The following ELOVL6 variants were observed in gnomAD, a reference collection of about 807,000 sequenced individuals.
The protein encoded by ELOVL6 is very long chain fatty acid elongase 6.
Under a neutral mutation model 31.7 loss-of-function variants are expected in ELOVL6, and 8 were observed. The observed-to-expected ratio is 0.25, with a 90% CI of 0.15 to 0.45. ELOVL6 has a LOEUF of 0.45. Ranked by LOEUF, ELOVL6 falls within the 20% of genes least tolerant of loss-of-function variation. The pLI, the probability that ELOVL6 is intolerant of heterozygous loss-of-function variation, is 1.00. For missense variants in ELOVL6, 126 were observed against 326.4 expected (o/e 0.39, Z 4.73); for synonymous variants, 101 against 117.7 (o/e 0.86, Z 0.92).
chr4:110,081,541 T>C (rs1371621758), intron 2 of ELOVL6, among the ~76,000 whole-genome samples: 1 of 152,010 alleles, frequency 6.6e-6, no homozygotes, highest in Non-Finnish European at 1.5e-5. Flanking sequence ...GCTAGTCATA[T>C]GTATAAAGCT....
intron 1 of ELOVL6, among the ~76,000 whole-genome samples, chr4:110,191,508 A>AT (rs1759621701): frequency 1.3e-5 from 2 of 152,350 alleles, no homozygotes; most frequent in African/African-American, 4.8e-5. Flanking sequence ...TCCTATTAAT[A>AT]AAGGACAGTT....
chr4:110,195,744 G>C (rs1383068600), intron 1 of ELOVL6, among the ~76,000 whole-genome samples: 1 of 152,162 alleles, frequency 6.6e-6, no homozygotes, highest in African/African-American at 2.4e-5. Flanking sequence ...TTAACGAGTA[G>C]TGCTGGCAAT....
At chr4:110,103,250 G>A (rs1250815892) in intron 2 of ELOVL6, among the ~76,000 whole-genome samples, 1 of 151,926 alleles carries the variant, frequency 6.6e-6, no homozygotes, top group Non-Finnish European at 1.5e-5. Flanking sequence ...GCTGATTCCA[G>A]TTCTGGACAA....
At chr4:110,186,816 A>AT (rs1284641849) in intron 1 of ELOVL6, among the ~76,000 whole-genome samples, 7 of 107,650 alleles carry the variant, frequency 6.5e-5, no homozygotes, top group Non-Finnish European at 9.8e-5. Flanking sequence ...AAAAAAAAAA[A>AT]AAAAAAATAT....
At chr4:110,173,637 G>A (rs1005517745) in intron 1 of ELOVL6, among the ~76,000 whole-genome samples, 6 of 143,358 alleles carry the variant, frequency 4.2e-5, no homozygotes, top group Non-Finnish European at 6.1e-5. Flanking sequence ...AAGTAAAGGT[G>A]GCCTTTTGCA....
intron 1 of ELOVL6, among the ~76,000 whole-genome samples, chr4:110,195,549 C>T (rs1030966650): frequency 6.6e-6 from 1 of 151,812 alleles, no homozygotes; most frequent in African/African-American, 2.4e-5. Context: ...TAAAAAAAAA[C>T]ATGAAAGTAA....
At chr4:110,167,980 T>C (rs950966315) in intron 1 of ELOVL6, among the ~76,000 whole-genome samples, 1 of 152,200 alleles carries the variant, frequency 6.6e-6, no homozygotes, top group Non-Finnish European at 1.5e-5. Flanking sequence ...ATTTTTGATA[T>C]ATAATTTTAG....
intron 1 of ELOVL6, among the ~76,000 whole-genome samples, chr4:110,177,868 A>G (rs1309626534): frequency 6.6e-6 from 1 of 152,210 alleles, no homozygotes; most frequent in Non-Finnish European, 1.5e-5. Flanking sequence ...TGTTCTTCAC[A>G]CCAAACTGAT....
In ELOVL6 at chr4:110,117,903, A is replaced by AAAAAAAAAAAAAAAAATTAT; in HGVS notation, c.90-12276_90-12275insATAATTTTTTTTTTTTTTTT. The AAAAAAAAAAAAAAAAATTAT allele has an allele frequency of 4.6e-4, 3 of 6,506 alleles. 1 individual carries two copies. The highest frequency in any genetic ancestry group is 9.8e-4 in the African/African-American group (3 of 3,066). The allele number at this position is 6,506 out of a possible 1,614,324, so 0.4% of individuals were successfully genotyped here. A position where few individuals can be genotyped will look rare whatever the true frequency, so the allele number is the denominator to read the frequency against. On this transcript the variant is annotated intron_variant, in intron 1 of 3. Coordinates refer to ENST00000302274, the MANE Select transcript of ELOVL6 (RefSeq NM_024090.3). ...TCTCAAAAAAAAAAAAAAAAAAAAAAATATATATATATATATATATATCTC... is the reference window on the plus strand; with the variant it reads ...TCTCAAAAAAAAAAAAAAAAAAAAAAAAAAAAAAAAAAAAAATTATATATATATATATATATATATATCTC...
intron 2 of ELOVL6, among the ~76,000 whole-genome samples, chr4:110,085,222 T>C (rs1756216873): frequency 6.6e-6 from 1 of 152,186 alleles, no homozygotes; most frequent in Non-Finnish European, 1.5e-5. Flanking sequence ...ATTCTTCTCC[T>C]AGGAAGTCAC....
chr4:110,193,136 C>T (rs1759671611), intron 1 of ELOVL6, among the ~76,000 whole-genome samples: 1 of 152,190 alleles, frequency 6.6e-6, no homozygotes, highest in Admixed American at 6.5e-5. Flanking sequence ...AATACTATGT[C>T]TGCATTTGAA....
At chr4:110,154,279 A>G (rs1428860677) in intron 1 of ELOVL6, among the ~76,000 whole-genome samples, 1 of 152,070 alleles carries the variant, frequency 6.6e-6, no homozygotes, top group Non-Finnish European at 1.5e-5. Flanking sequence ...TTTTTGATAC[A>G]GAGTCTCACT....
chr4:110,163,248 C>T (rs1476594384), intron 1 of ELOVL6, among the ~76,000 whole-genome samples: 2 of 152,166 alleles, frequency 1.3e-5, no homozygotes, highest in African/African-American at 2.4e-5. Flanking sequence ...CTAACATGGT[C>T]TTCTCATTTG....
chr4:110,061,549 C>CTTTTTTTTTTTTTTTTTTTTTTTTTTT (rs57846282), intron 2 of ELOVL6, among the ~76,000 whole-genome samples: 6 of 72,376 alleles, frequency 8.3e-5, no homozygotes, highest in African/African-American at 1.5e-4. Flanking sequence ...CAAATGATGG[C>CTTTTTTTTTTTTTTTTTTTTTTTTTTT]TTTTTTTTTT....
intron 1 of ELOVL6, among the ~76,000 whole-genome samples, chr4:110,191,401 A>T (rs1039646875): frequency 9.2e-5 from 14 of 152,166 alleles, no homozygotes; most frequent in Non-Finnish European, 5.9e-5. Flanking sequence ...AAACCCTCCT[A>T]AAAAAGATAA....
chr4:110,084,566 A>ATATTTT (rs1756173554), intron 2 of ELOVL6, among the ~76,000 whole-genome samples: 1 of 37,140 alleles, frequency 2.7e-5, no homozygotes, highest in African/African-American at 2.3e-4. Flanking sequence ...ACACACAGAT[A>ATATTTT]TATATATATA....
intron 1 of ELOVL6, among the ~76,000 whole-genome samples, chr4:110,122,094 T>C (rs897319948): frequency 2.0e-5 from 3 of 152,226 alleles, no homozygotes; most frequent in Non-Finnish European, 4.4e-5. Flanking sequence ...GACTGACTTA[T>C]TCTGTATTTC....
At chr4:110,158,211 C>G (rs1012391132) in intron 1 of ELOVL6, among the ~76,000 whole-genome samples, 3 of 152,128 alleles carry the variant, frequency 2.0e-5, no homozygotes, top group African/African-American at 7.2e-5. Context: ...ATGAAAAGTT[C>G]ATCTTTCCAC....
chr4:110,046,294 C>T lies in ELOVL6; in HGVS notation c.*5044G>A, dbSNP rs1222090934. 1 of 152,184 alleles carries T rather than the reference C, an allele frequency of 6.6e-6. No individual in the cohort carries two copies. Among genetic ancestry groups the T allele is most frequent in the Non-Finnish European group, 1.5e-5 (1 of 68,054 alleles). 9.4% of individuals were successfully genotyped at this position (152,184 alleles called of 1,614,324 possible). A position where few individuals can be genotyped will look rare whatever the true frequency, so the allele number is the denominator to read the frequency against. The stretch of plus-strand genomic sequence containing the variant: ...TGTGGCTTGACCCTGACTTATGGGA[C>T]CAGTTATTAATTTAACCAGTTACTT... On this transcript the variant is annotated 3_prime_UTR_variant, in exon 4 of 4. Coordinates refer to ENST00000302274, the MANE Select transcript of ELOVL6 (RefSeq NM_024090.3).
Sources: allele counts gnomAD v4.1 joint callset (sites outside exome capture counted in the v4.1 genomes callset), GRCh38; gene constraint gnomAD v4.1.1; transcripts MANE v1.5; gene names NCBI Gene and HGNC (gene_info 2026-07-23, HGNC 2026-07-21).